RPGR: variants seen among roughly 807,000 people sequenced by gnomAD.
RPGR encodes retinitis pigmentosa GTPase regulator, also known as X-linked retinitis pigmentosa GTPase regulator.
In RPGR, 10 loss-of-function variants were observed where a neutral mutation model predicts 56.3. That is an observed-to-expected ratio of 0.18 (90% confidence interval 0.11 to 0.30). The LOEUF (loss-of-function observed/expected upper bound fraction) is 0.30. RPGR is among the 10% of genes least tolerant of loss of function. The pLI, the probability that RPGR is intolerant of heterozygous loss-of-function variation, is 1.00. For synonymous variants in RPGR, 197 were observed against 212.9 expected (o/e 0.93, Z 0.65); for missense variants, 538 against 590.9 (o/e 0.91, Z 0.93).
chrX:38,299,327 G>A (rs926490495), intron 9 of RPGR, among the ~76,000 whole-genome samples, 186 bp from the exon 10 acceptor site: 1 of 111,752 alleles, frequency 8.9e-6, no homozygotes, highest in African/African-American at 3.3e-5. Context: ...GTATACAATA[G>A]GTACACAATT....
chrX:38,306,001 C>T (rs907250668), intron 7 of RPGR, among the ~76,000 whole-genome samples: 2 of 111,248 alleles, frequency 1.8e-5, no homozygotes, highest in African/African-American at 3.3e-5. Context: ...GTAAATACTA[C>T]GTCATATGTT....
chrX:38,283,635 T>G (rs1240469181), intron 15 of RPGR, among the ~76,000 whole-genome samples: 2 of 111,702 alleles, frequency 1.8e-5, no homozygotes, highest in Non-Finnish European at 3.8e-5. Context: ...GCACAAAATG[T>G]TTTTGGCCAG....
chrX:38,303,893 C>T (rs1440759228), intron 8 of RPGR: 1 of 290,602 alleles, frequency 3.4e-6, no homozygotes, highest in Non-Finnish European at 6.0e-6. Flanking sequence ...TCTGACTTTC[C>T]AATGCTTCAC....
Position 38,323,395 on chromosome X carries a change from T to C in RPGR, c.154+4A>G, listed in dbSNP as rs764483977. 1 of 1,203,790 alleles carries C rather than the reference T, an allele frequency of 8.3e-7. No individual in the cohort carries two copies. Among genetic ancestry groups the C allele is most frequent in the East Asian group, 3.0e-5 (1 of 33,740 alleles). ...CTGTCCTTATTCAGGATTGTAATAC[T>C]AACCGGTAACAACAGCAGAATGTTC... is the stretch of plus-strand genomic sequence containing the variant. On this transcript the variant is annotated splice_donor_region_variant and intron_variant, in intron 2 of 18. Coordinates refer to ENST00000642395, the MANE Select transcript of RPGR (RefSeq NM_000328.3).
chrX:38,275,568 A>AT (rs1013728544), intron 16 of RPGR, among the ~76,000 whole-genome samples: 1 of 111,931 alleles, frequency 8.9e-6, no homozygotes, highest in Non-Finnish European at 1.9e-5. Context: ...CTGCTAGAAT[A>AT]TTTTTTTTCT....
At chrX:38,293,194 C>T (rs978385906) in intron 11 of RPGR, among the ~76,000 whole-genome samples, 2 of 111,477 alleles carry the variant, frequency 1.8e-5, no homozygotes, top group South Asian at 7.6e-4. Context: ...TTTCTCTAAA[C>T]GGCCATATAG....
Position 38,310,601 on chromosome X carries a change from G to A in RPGR, c.778+14C>T. ...ACAGAACGCAGGGAACAGAACAGTG[G>A]ACTCCACACATACCCGTGAGAACCA... On this transcript the variant is annotated intron_variant, in intron 7 of 18. Coordinates refer to ENST00000642395, the MANE Select transcript of RPGR (RefSeq NM_000328.3). 1 of 1,209,637 alleles carries A rather than the reference G, an allele frequency of 8.3e-7. No individual in the cohort carries two copies. The highest frequency in any genetic ancestry group is 1.1e-6 in the Non-Finnish European group (1 of 894,066).
Position 38,306,997 on chromosome X carries a change from T to C in RPGR, c.779-2207A>G, listed in dbSNP as rs760441425. Among the ~76,000 whole-genome samples the C allele has an allele frequency of 2.0e-4, 23 of 113,047 alleles. No homozygotes were observed. In the South Asian group the frequency reaches 3.6e-3, roughly 18 times the overall value. ...AATAAATAATATTACATTAGGAAAA[T>C]AGATTTGATCAGTTAGCTTCAGATT... is the stretch of plus-strand genomic sequence containing the variant. On this transcript the variant is annotated intron_variant, in intron 7 of 18. Coordinates refer to ENST00000642395, the MANE Select transcript of RPGR (RefSeq NM_000328.3).
At chrX:38,310,116 AC>A (rs1308591511) in intron 7 of RPGR, among the ~76,000 whole-genome samples, 7 of 110,478 alleles carry the variant, frequency 6.3e-5, no homozygotes, top group African/African-American at 2.3e-4. Context: ...AATACCTGAG[AC>A]CACACCTGGC....
At chrX:38,289,187 C>T (rs2067243124) in intron 13 of RPGR, among the ~76,000 whole-genome samples, 1 of 111,838 alleles carries the variant, frequency 8.9e-6, no homozygotes. Context: ...ACTGAAGAAA[C>T]TGCACATGAG....
At chrX:38,296,806 C>A (rs762197609) in intron 11 of RPGR, among the ~76,000 whole-genome samples, 1 of 111,866 alleles carries the variant, frequency 8.9e-6, no homozygotes, top group Admixed American at 9.5e-5. Context: ...CAGTTTAACT[C>A]CATAGTCCAT....
chrX:38,323,828 G>A (rs1044332183), intron 1 of RPGR, among the ~76,000 whole-genome samples: 34 of 112,334 alleles, frequency 3.0e-4, no homozygotes, highest in African/African-American at 1.1e-3. Context: ...CTGTCACCAA[G>A]TAGATGTCTA....
At position 38,322,619 on chromosome X, in the gene RPGR, T is replaced by C. The variant is rs750524976; in HGVS notation, c.247+234A>G. Reference sequence around the variant, plus strand: ...TGGGGGATATTCAAATGCAATACTGTAAAATCATTACTTCCTTTGTGGTCC... The same window carrying C: ...TGGGGGATATTCAAATGCAATACTGCAAAATCATTACTTCCTTTGTGGTCC... On this transcript the variant is annotated intron_variant, in intron 3 of 18. Coordinates refer to ENST00000642395, the MANE Select transcript of RPGR (RefSeq NM_000328.3). Among the ~76,000 whole-genome samples, 3 of 112,316 alleles carry C rather than the reference T, an allele frequency of 2.7e-5. No individual in the cohort carries two copies. The Admixed American group carries it at 2.8e-4, about 11-fold the overall frequency.
chrX:38,290,643 T>C (rs1389377991), intron 13 of RPGR, among the ~76,000 whole-genome samples: 2 of 111,837 alleles, frequency 1.8e-5, no homozygotes, highest in Non-Finnish European at 3.8e-5. Context: ...CAATAAATGG[T>C]AGTCTTTTCC....
rs955097978 is a variant in RPGR at position 38,276,118 on chromosome X, G to A, written c.2091+469C>T. The stretch of plus-strand genomic sequence containing the variant: ...TCCTATTCCTTCTATACATAATTTT[G>A]TCTAGACTGCACCTTTGAAGAACTG... On this transcript the variant is annotated intron_variant, in intron 16 of 18. Transcript: ENST00000642395. 2.7e-5 allele frequency among the ~76,000 whole-genome samples: 3 copies of A among 111,607 alleles called. No homozygotes were observed. The South Asian group carries it at 1.1e-3, about 42-fold the overall frequency.
At chrX:38,288,476 G>A (rs374133020) in intron 13 of RPGR, among the ~76,000 whole-genome samples, 4 of 111,524 alleles carry the variant, frequency 3.6e-5, no homozygotes, top group African/African-American at 6.5e-5. Context: ...AGGCCGAGGC[G>A]GGTGGATTAC....
intron 14 of RPGR, 52 bp downstream of exon 14, chrX:38,287,808 TA>T (rs769114931): frequency 3.0e-5 from 33 of 1,084,911 alleles, no homozygotes; most frequent in Non-Finnish European, 4.2e-5. Flanking sequence ...CCTCTTTTTG[TA>T]AACCCTCTCC....
At chrX:38,270,054 C>G (rs908748176) in intron 18 of RPGR, among the ~76,000 whole-genome samples, 10 of 111,821 alleles carry the variant, frequency 8.9e-5, no homozygotes, top group Non-Finnish European at 1.7e-4. Context: ...CAGGGTCTAA[C>G]ATTCAACACC....
At chrX:38,292,102 T>A (rs772334629) in intron 11 of RPGR, among the ~76,000 whole-genome samples, 2 of 110,525 alleles carry the variant, frequency 1.8e-5, no homozygotes, top group Non-Finnish European at 3.8e-5. Context: ...CCAATGGCCA[T>A]GTGAATGAGC....
Sources: gnomAD v4.1 joint callset for allele counts (sites outside exome capture counted in the v4.1 genomes callset) on GRCh38, gnomAD v4.1.1 for gene constraint, MANE v1.5 for transcripts, NCBI Gene and HGNC (gene_info 2026-07-23, HGNC 2026-07-21) for gene names.